The following MAPRE2 variants were observed in gnomAD, a reference collection of about 807,000 sequenced individuals.
The protein encoded by MAPRE2 is microtubule associated protein RP/EB family member 2.
Under a neutral mutation model 43.2 loss-of-function variants are expected in MAPRE2, and 13 were observed. The ratio of observed to expected loss-of-function variants is 0.30; its 90% CI spans 0.20 to 0.48. MAPRE2 has a LOEUF of 0.48. MAPRE2 is among the 20% of genes least tolerant of loss of function. The probability of loss-of-function intolerance (pLI) is 0.99; values close to 1 mark genes in which losing one functional copy is unlikely to be tolerated. For synonymous variants in MAPRE2, 135 were observed against 148.8 expected, an observed-to-expected ratio of 0.91 and a Z score of 0.68; for missense variants, 161 against 400.2, an observed-to-expected ratio of 0.40 and a Z score of 5.10.
At chr18:35,128,908 T>G (rs1910023403) in intron 5 of MAPRE2, among the ~76,000 whole-genome samples, 1 of 152,094 alleles carries the variant, frequency 6.6e-6, no homozygotes. Context: ...TTCCCCTCCT[T>G]GGGGCTGGCT....
At chr18:34,982,100 A>G (rs973845040) in intron 1 of MAPRE2, among the ~76,000 whole-genome samples, 6 of 151,814 alleles carry the variant, frequency 4.0e-5, no homozygotes, top group East Asian at 1.9e-4. Flanking sequence ...AGCCAGGATG[A>G]TCTCGATCTC....
chr18:35,098,655 A>G (rs892965888), intron 3 of MAPRE2, among the ~76,000 whole-genome samples: 1 of 152,192 alleles, frequency 6.6e-6, no homozygotes, highest in Non-Finnish European at 1.5e-5. Context: ...TATGTATTTA[A>G]AACTAGGGAT....
At chr18:35,137,479 A>G (rs1455031238) in intron 6 of MAPRE2, among the ~76,000 whole-genome samples, 1 of 151,854 alleles carries the variant, frequency 6.6e-6, no homozygotes, top group Admixed American at 6.6e-5. Context: ...CCCACAATAA[A>G]CTCCCAGTTG....
intron 1 of MAPRE2, chr18:35,005,412 T>C (rs1226753405): frequency 3.4e-6 from 3 of 883,620 alleles, no homozygotes; most frequent in Non-Finnish European, 3.4e-6. Context: ...CCCACTAAAC[T>C]AAATTATAAC....
intron 1 of MAPRE2, among the ~76,000 whole-genome samples, chr18:35,002,709 C>A (rs2097029960): frequency 6.6e-6 from 1 of 151,838 alleles, no homozygotes; most frequent in Non-Finnish European, 1.5e-5. Context: ...ATATGTATAT[C>A]CTCTTCAGTT....
At chr18:35,008,965 C>T (rs1421872248) in intron 2 of MAPRE2, among the ~76,000 whole-genome samples, 1 of 143,512 alleles carries the variant, frequency 7.0e-6, no homozygotes, top group African/African-American at 2.5e-5. Context: ...TGTGTGTGTG[C>T]ATGCACGTGT....
At chr18:35,068,842 G>A (rs920946668) in intron 1 of MAPRE2, among the ~76,000 whole-genome samples, 2 of 152,144 alleles carry the variant, frequency 1.3e-5, no homozygotes, top group African/African-American at 2.4e-5. Context: ...TTCAAACACG[G>A]CGTGAAATAG....
chr18:35,001,608 A>G (rs2097029403), intron 1 of MAPRE2, among the ~76,000 whole-genome samples: 1 of 152,230 alleles, frequency 6.6e-6, no homozygotes, highest in Non-Finnish European at 1.5e-5. Context: ...TAATGGATTA[A>G]GAAGGTACAC....
intron 2 of MAPRE2, among the ~76,000 whole-genome samples, chr18:35,073,233 A>G (rs373361456): frequency 1.3e-5 from 2 of 152,308 alleles, no homozygotes; most frequent in African/African-American, 4.8e-5. Flanking sequence ...TTCCTTGTTC[A>G]TAATTTAATC....
At chr18:35,098,103 A>G (rs1311555519) in intron 3 of MAPRE2, among the ~76,000 whole-genome samples, 1 of 152,166 alleles carries the variant, frequency 6.6e-6, no homozygotes, top group African/African-American at 2.4e-5. Flanking sequence ...CAGATTCTCA[A>G]TGTCCATAAT....
At chr18:35,098,306 A>G (rs1455142196) in intron 3 of MAPRE2, among the ~76,000 whole-genome samples, 1 of 152,200 alleles carries the variant, frequency 6.6e-6, no homozygotes, top group African/African-American at 2.4e-5. Flanking sequence ...TTGGAAAGAA[A>G]TGAATTTTGA....
chr18:35,129,177 A>C (rs1324087743), intron 5 of MAPRE2, among the ~76,000 whole-genome samples: 1 of 152,180 alleles, frequency 6.6e-6, no homozygotes, highest in Non-Finnish European at 1.5e-5. Context: ...CAGAAGGAAG[A>C]CACACCCTGA....
intron 2 of MAPRE2, among the ~76,000 whole-genome samples, chr18:35,021,215 G>C (rs1303871104): frequency 6.6e-6 from 1 of 152,154 alleles, no homozygotes; most frequent in Non-Finnish European, 1.5e-5. Context: ...TTATATTTTA[G>C]ACAATGAGGG....
chr18:34,996,050 G>A (rs1180809646), intron 1 of MAPRE2, among the ~76,000 whole-genome samples: 1 of 152,130 alleles, frequency 6.6e-6, no homozygotes, highest in Admixed American at 6.6e-5. Flanking sequence ...TAGTTAAAAT[G>A]CTTGTTTTCC....
chr18:34,979,597 GA>G (rs1312562884), intron 1 of MAPRE2, among the ~76,000 whole-genome samples: 1 of 151,976 alleles, frequency 6.6e-6, no homozygotes, highest in African/African-American at 2.4e-5. Context: ...AAACTGTTGG[GA>G]AAGTGTAAAC....
intron 1 of MAPRE2, among the ~76,000 whole-genome samples, chr18:35,043,530 A>C (rs886234007): frequency 6.6e-6 from 1 of 152,222 alleles, no homozygotes; most frequent in Non-Finnish European, 1.5e-5. Context: ...TCTTTAATTC[A>C]ACCCAGGCTA....
intron 2 of MAPRE2, among the ~76,000 whole-genome samples, chr18:35,016,201 T>C (rs891880371): frequency 6.6e-6 from 1 of 152,026 alleles, no homozygotes; most frequent in African/African-American, 2.4e-5. Context: ...CAATCCACTG[T>C]GGATAGACTC....
intron 2 of MAPRE2, among the ~76,000 whole-genome samples, chr18:35,075,921 A>G (rs658873): frequency 0.27 from 40,503 of 151,954 alleles, 6,769 homozygotes; most frequent in East Asian, 0.52. Flanking sequence ...TTTTCCCTCC[A>G]AATTTGTTCA....
intron 2 of MAPRE2, among the ~76,000 whole-genome samples, chr18:35,023,281 G>A (rs766303228): frequency 1.6e-4 from 24 of 152,030 alleles, no homozygotes; most frequent in Non-Finnish European, 2.4e-4. Context: ...GGGAGGCCGA[G>A]GTGGGTGGAT....
Sources: gnomAD v4.1 joint callset for allele counts (sites outside exome capture counted in the v4.1 genomes callset) on GRCh38, gnomAD v4.1.1 for gene constraint, MANE v1.5 for transcripts, NCBI Gene and HGNC (gene_info 2026-07-23, HGNC 2026-07-21) for gene names.